Variants in FLNB observed in about 807,000 individuals in gnomAD.
FLNB encodes the protein filamin-B.
Under a neutral mutation model 250.6 loss-of-function variants are expected in FLNB, and 111 were observed. The ratio of observed to expected loss-of-function variants is 0.44; its 90% CI spans 0.38 to 0.52. The LOEUF (loss-of-function observed/expected upper bound fraction) is 0.52, where lower values mean the gene tolerates loss of function less well. Among genes scored for constraint, FLNB ranks in the 20% least tolerant of loss-of-function variants. The pLI, the probability that FLNB is intolerant of heterozygous loss-of-function variation, is 0.00. For synonymous variants in FLNB, 1,302 were observed against 1,372.1 expected (o/e 0.95, Z 1.13); for missense variants, 2,869 against 3,447.8 (o/e 0.83, Z 4.20).
intron 37 of FLNB, 24 bp from the exon 38 acceptor site, chr3:58,150,081 C>T (rs769043384): frequency 3.7e-6 from 6 of 1,613,870 alleles, no homozygotes; most frequent in Non-Finnish European, 5.1e-6. Context: ...GGCCTGCTCA[C>T]AGGAGCCTTC....
intron 1 of FLNB, among the ~76,000 whole-genome samples, chr3:58,062,424 G>A (rs1263298428): frequency 6.6e-6 from 1 of 152,134 alleles, no homozygotes; most frequent in Admixed American, 6.5e-5. Flanking sequence ...CTGTCAGGGA[G>A]GCATTTGTTT....
chr3:58,073,015 T>C (rs1208149290), intron 1 of FLNB, among the ~76,000 whole-genome samples: 3 of 152,138 alleles, frequency 2.0e-5, no homozygotes, highest in African/African-American at 2.4e-5. Flanking sequence ...ACATATAACT[T>C]GGGAAAGTTT....
At position 58,150,021 on chromosome 3, in the gene FLNB, C is replaced by G. The variant is rs1313397543; in HGVS notation, c.6244+19C>G. ...GTGCCTGGTATGTGCATTCCATTCC[C>G]CTCCAGGTGGGATGCTTGGGTTTTC... On this transcript the variant is annotated intron_variant, in intron 37 of 45. Transcript: ENST00000295956. 1 of 1,614,156 alleles carries G rather than the reference C, an allele frequency of 6.2e-7. No individual in the cohort carries two copies. The highest frequency in any genetic ancestry group is 8.5e-7 in the Non-Finnish European group (1 of 1,180,056).
Position 58,130,805 on chromosome 3 carries a change from C to T in FLNB, c.4287C>T (p.Pro1429=), listed in dbSNP as rs376873981. 55 of 1,613,766 alleles carry T rather than the reference C, an allele frequency of 3.4e-5. No homozygotes were observed. The highest frequency in any genetic ancestry group is 1.7e-4 in the Middle Eastern group (1 of 6,058). Residue 1429 remains proline (P), a synonymous_variant, in exon 25 of 46, where the codon CCC becomes CCT. Coordinates refer to ENST00000295956, the MANE Select transcript of FLNB (RefSeq NM_001457.4). ...VDPSKVKIAG[P]GLGSGVRARV... ...CCAGCAAGGTCAAGATTGCCGGCCC[C>T]GGGCTGGGCTCAGGCGTCCGAGCCC...
intron 1 of FLNB, among the ~76,000 whole-genome samples, chr3:58,039,687 G>A (rs989979788): frequency 6.6e-6 from 1 of 152,192 alleles, no homozygotes; most frequent in Non-Finnish European, 1.5e-5. Context: ...CCCAGAGAAT[G>A]CAGAAGTGCC....
chr3:58,162,679 A>G lies in FLNB; in HGVS notation c.7022-475A>G, dbSNP rs115175462. 1,507 of 190,382 alleles carry G rather than the reference A, an allele frequency of 7.9e-3. 28 individuals are homozygous for G. The highest frequency in any genetic ancestry group is 0.033 in the African/African-American group (1,422 of 42,488). 11.8% of individuals were successfully genotyped at this position (190,382 alleles called of 1,614,324 possible). On this transcript the variant is annotated intron_variant, in intron 42 of 45. Transcript: ENST00000295956. ...GAACTCCCCAATGGGTGAACAAAGT[A>G]AAGAGTAGTAACCTGGAGTTCAGCT...
intron 28 of FLNB, among the ~76,000 whole-genome samples, chr3:58,136,912 G>A (rs563144538): frequency 6.6e-6 from 1 of 152,026 alleles, no homozygotes; most frequent in African/African-American, 2.4e-5. Flanking sequence ...TGGATTCAGG[G>A]TTTCACCATA....
intron 23 of FLNB, among the ~76,000 whole-genome samples, chr3:58,126,267 C>A (rs2097297672): frequency 6.6e-6 from 1 of 152,134 alleles, no homozygotes; most frequent in African/African-American, 2.4e-5. Flanking sequence ...ATCCCAGCTA[C>A]TACTTGGGAG....
intron 26 of FLNB, 61 bp downstream of exon 26, chr3:58,132,992 C>T (rs2097310023): frequency 2.6e-6 from 4 of 1,552,218 alleles, no homozygotes; most frequent in Non-Finnish European, 3.5e-6. Context: ...CCCATCCATT[C>T]CTCCATCAGT....
chr3:58,141,770 C>T (rs983173151), intron 29 of FLNB, 88 bp from the exon 30 acceptor site: 8 of 1,208,820 alleles, frequency 6.6e-6, no homozygotes, highest in Non-Finnish European at 9.9e-6. Flanking sequence ...CAAGATGGAG[C>T]AGTGGGGGAA....
chr3:58,129,855 G>C (rs1434509169), intron 24 of FLNB, among the ~76,000 whole-genome samples: 1 of 152,182 alleles, frequency 6.6e-6, no homozygotes, highest in Non-Finnish European at 1.5e-5. Flanking sequence ...CGCTGGATGG[G>C]GAGGTCCCCC....
chr3:58,020,370 C>G (rs2097112032), intron 1 of FLNB, among the ~76,000 whole-genome samples: 1 of 152,198 alleles, frequency 6.6e-6, no homozygotes, highest in Admixed American at 6.5e-5. Flanking sequence ...TTCCGCTCAT[C>G]TGCAGGTAGC....
chr3:58,102,430 C>T, intron 9 of FLNB, 90 bp downstream of exon 9: 4 of 1,388,252 alleles, frequency 2.9e-6, no homozygotes, highest in South Asian at 2.3e-5. Context: ...GCCAGTTGTC[C>T]TCAATAATCC....
chr3:58,161,781 C>G (rs967783689), intron 42 of FLNB, among the ~76,000 whole-genome samples: 6 of 152,150 alleles, frequency 3.9e-5, no homozygotes, highest in Non-Finnish European at 5.9e-5. Flanking sequence ...GGCAGGATGG[C>G]CTTCCTCTTG....
chr3:58,058,504 C>G (rs765871068), intron 1 of FLNB, among the ~76,000 whole-genome samples: 2 of 152,220 alleles, frequency 1.3e-5, no homozygotes, highest in Non-Finnish European at 2.9e-5. Flanking sequence ...TCCTCAAAAT[C>G]ATCGCCTGTT....
intron 41 of FLNB, among the ~76,000 whole-genome samples, chr3:58,158,106 TG>T (rs770810330): frequency 2.3e-5 from 2 of 87,906 alleles, no homozygotes; most frequent in African/African-American, 4.5e-5. Flanking sequence ...GGCTGGCACT[TG>T]GGGTGGGGGT....
chr3:58,148,621 A>G, intron 35 of FLNB, 28 bp from the exon 36 acceptor site: 1 of 1,596,272 alleles, frequency 6.3e-7, no homozygotes, highest in Non-Finnish European at 8.6e-7. Context: ...CCATCCCCTT[A>G]CAAGCCCCAA....
At chr3:58,139,768 G>A (rs2097323413) in intron 29 of FLNB, among the ~76,000 whole-genome samples, 1 of 152,192 alleles carries the variant, frequency 6.6e-6, no homozygotes, top group African/African-American at 2.4e-5. Flanking sequence ...AGCCCATAGT[G>A]GGTTTTATCT....
intron 14 of FLNB, 61 bp downstream of exon 14, chr3:58,109,383 G>T: frequency 1.3e-6 from 2 of 1,589,112 alleles, no homozygotes; most frequent in East Asian, 2.3e-5. Flanking sequence ...CACCAGGTCT[G>T]GGATCCATGC....
Sources: allele counts gnomAD v4.1 joint callset (sites outside exome capture counted in the v4.1 genomes callset), GRCh38; gene constraint gnomAD v4.1.1; transcripts MANE v1.5; gene names NCBI Gene and HGNC (gene_info 2026-07-23, HGNC 2026-07-21).